TMEM132D: variants seen among roughly 807,000 people sequenced by gnomAD.
TMEM132D encodes the protein mature OL transmembrane protein.
A neutral mutation model predicts 62.3 loss-of-function variants in TMEM132D; 21 were observed. That is an observed-to-expected ratio of 0.34 (90% CI 0.24 to 0.49). TMEM132D has a LOEUF of 0.49. Among genes scored for constraint, TMEM132D ranks in the 20% least tolerant of loss-of-function variants. TMEM132D has a pLI of 0.99. For missense variants in TMEM132D, 1,346 were observed against 1,402.8 expected (o/e 0.96, Z 0.65); for synonymous variants, 621 against 575.6 (o/e 1.08, Z -1.13).
At chr12:129,632,394 A>G (rs1176750339) in intron 2 of TMEM132D, among the ~76,000 whole-genome samples, 1 of 152,212 alleles carries the variant, frequency 6.6e-6, no homozygotes, top group Non-Finnish European at 1.5e-5. Flanking sequence ...TATTATACTC[A>G]GTTCTGATGA....
chr12:129,165,846 A>C (rs1439839211), intron 5 of TMEM132D, among the ~76,000 whole-genome samples: 2 of 152,214 alleles, frequency 1.3e-5, no homozygotes, highest in Non-Finnish European at 2.9e-5. Flanking sequence ...GTATAGAAAA[A>C]AATAAATCAC....
chr12:129,450,400 C>G (rs927860281), intron 3 of TMEM132D, among the ~76,000 whole-genome samples: 3 of 152,098 alleles, frequency 2.0e-5, no homozygotes, highest in Non-Finnish European at 2.9e-5. Context: ...TAACAAACCC[C>G]CATGTCGTAA....
chr12:129,357,437 GAAAA>G (rs534016340), intron 3 of TMEM132D, among the ~76,000 whole-genome samples: 11 of 143,222 alleles, frequency 7.7e-5, no homozygotes, highest in African/African-American at 1.5e-4. Flanking sequence ...CGGAAGGAAA[GAAAA>G]AAAGAAAAAG....
chr12:129,317,655 GT>G (rs1384729723), intron 4 of TMEM132D, among the ~76,000 whole-genome samples: 3 of 152,150 alleles, frequency 2.0e-5, no homozygotes, highest in Non-Finnish European at 4.4e-5. Context: ...TTTCCCAGGT[GT>G]TTTTTATGCT....
chr12:129,195,936 G>C (rs777062461), intron 5 of TMEM132D, among the ~76,000 whole-genome samples: 2 of 152,068 alleles, frequency 1.3e-5, no homozygotes, highest in African/African-American at 2.4e-5. Flanking sequence ...AGACCAGCTG[G>C]GCCAACGTGG....
intron 2 of TMEM132D, among the ~76,000 whole-genome samples, chr12:129,559,964 T>C (rs1877168969): frequency 6.6e-6 from 1 of 152,156 alleles, no homozygotes; most frequent in Non-Finnish European, 1.5e-5. Context: ...AAGAGTACTG[T>C]TCAGGGTAAG....
intron 1 of TMEM132D, among the ~76,000 whole-genome samples, chr12:129,839,299 T>C (rs954569732): frequency 2.0e-5 from 3 of 151,684 alleles, no homozygotes; most frequent in African/African-American, 7.3e-5. Context: ...CTGGCTATTT[T>C]GTATTTTTAG....
chr12:129,328,911 A>T (rs1869009585), intron 4 of TMEM132D, among the ~76,000 whole-genome samples: 1 of 151,784 alleles, frequency 6.6e-6, no homozygotes, highest in South Asian at 2.1e-4. Flanking sequence ...CATCTGTGAA[A>T]TGGGGATAAT....
rs530695201 is a variant in TMEM132D, at chr12:129,188,734, G to T, written c.1443+20786C>A. 2.9e-4 allele frequency among the ~76,000 whole-genome samples: 41 copies of T among 142,822 alleles called. No individual in the cohort carries two copies. The East Asian group carries it at 5.1e-3, about 18-fold the overall frequency. The allele number at this position is 142,822 out of a possible 152,430, so 93.7% of individuals were successfully genotyped here. On this transcript the variant is annotated intron_variant, in intron 5 of 8. Transcript: ENST00000422113. ...TAATAGAGATAAATGAGAGAGAGAG[G>T]GAAGGAGGGAGAGGGGGAGGGAGAG...
chr12:129,786,110 C>T (rs1871241468), intron 1 of TMEM132D, among the ~76,000 whole-genome samples: 1 of 152,144 alleles, frequency 6.6e-6, no homozygotes. Context: ...CATCCTTCCA[C>T]CCCCCAGGCC....
At chr12:129,230,315 G>T (rs182964034) in intron 4 of TMEM132D, among the ~76,000 whole-genome samples, 30 of 150,566 alleles carry the variant, frequency 2.0e-4, no homozygotes, top group Admixed American at 1.5e-3. Flanking sequence ...GGAGGGGGGG[G>T]GCTCCCCAGC....
Position 129,535,540 on chromosome 12 carries a change from A to G in TMEM132D, c.969-4335T>C, listed in dbSNP as rs146119166. ...TGTACAGAGACTTAGGCTGATGACA[A>G]CATTGCCCCAAAGAGAAACTCCCTA... On this transcript the variant is annotated intron_variant, in intron 2 of 8. Coordinates refer to ENST00000422113, the MANE Select transcript of TMEM132D (RefSeq NM_133448.3). Among the ~76,000 whole-genome samples the G allele has an allele frequency of 2.0e-3, 308 of 152,356 alleles. 3 individuals are homozygous for G. The highest frequency in any genetic ancestry group is 7.3e-3 in the African/African-American group (303 of 41,580).
chr12:129,755,114 C>A (rs1457307700), intron 1 of TMEM132D, among the ~76,000 whole-genome samples: 1 of 152,174 alleles, frequency 6.6e-6, no homozygotes, highest in Non-Finnish European at 1.5e-5. Context: ...TGCTATTTGC[C>A]ACTGGATTGG....
At chr12:129,733,083 C>T (rs754659070) in intron 1 of TMEM132D, among the ~76,000 whole-genome samples, 13 of 152,194 alleles carry the variant, frequency 8.5e-5, no homozygotes, top group Non-Finnish European at 1.6e-4. Flanking sequence ...TTTACCATAA[C>T]ATTTTGATCA....
intron 4 of TMEM132D, among the ~76,000 whole-genome samples, chr12:129,292,372 G>A (rs901646935): frequency 6.6e-6 from 1 of 152,142 alleles, no homozygotes; most frequent in Non-Finnish European, 1.5e-5. Flanking sequence ...ACTGACTCCC[G>A]AGGAGCCAAA....
chr12:129,780,887 C>T (rs1002440714), intron 1 of TMEM132D, among the ~76,000 whole-genome samples: 10 of 152,146 alleles, frequency 6.6e-5, no homozygotes, highest in Non-Finnish European at 1.0e-4. Flanking sequence ...TAACACGGAA[C>T]TTAGCAGTAT....
intron 3 of TMEM132D, among the ~76,000 whole-genome samples, chr12:129,368,968 G>A (rs758254243): frequency 6.6e-6 from 1 of 152,170 alleles, no homozygotes; most frequent in Admixed American, 6.5e-5. Flanking sequence ...TGATGCAGGA[G>A]GCTCAGCTGC....
chr12:129,621,348 C>T (rs11609887), intron 2 of TMEM132D, among the ~76,000 whole-genome samples: 37,098 of 152,084 alleles, frequency 0.24, 5,538 homozygotes, highest in Non-Finnish European at 0.32. Flanking sequence ...CCCTCTCATG[C>T]TGCCACGATG....
chr12:129,237,409 T>C (rs534011173), intron 4 of TMEM132D, among the ~76,000 whole-genome samples: 1 of 152,324 alleles, frequency 6.6e-6, no homozygotes, highest in East Asian at 1.9e-4. Flanking sequence ...AGCTCTGCTT[T>C]ATTCCATAAA....
Sources: gnomAD v4.1 joint callset for allele counts (sites outside exome capture counted in the v4.1 genomes callset) on GRCh38, gnomAD v4.1.1 for gene constraint, MANE v1.5 for transcripts, NCBI Gene and HGNC (gene_info 2026-07-23, HGNC 2026-07-21) for gene names.